Variants in SMARCAD1 observed in about 807,000 individuals in gnomAD.
SMARCAD1 encodes the protein SNF2 related chromatin remodeling ATPase with DExD box 1.
Under a neutral mutation model 127.1 loss-of-function variants are expected in SMARCAD1, and 25 were observed. The observed-to-expected ratio is 0.20, with a 90% CI of 0.14 to 0.27. The LOEUF (loss-of-function observed/expected upper bound fraction) is 0.27, where lower values mean the gene tolerates loss of function less well. Ranked by LOEUF, SMARCAD1 falls within the 10% of genes least tolerant of loss-of-function variation. The probability of loss-of-function intolerance (pLI) is 1.00; values close to 1 mark genes in which losing one functional copy is unlikely to be tolerated. For synonymous variants in SMARCAD1, 400 were observed against 396.9 expected, an observed-to-expected ratio of 1.01 and a Z score of -0.09; for missense variants, 807 against 1,206.0, an observed-to-expected ratio of 0.67 and a Z score of 4.90.
intron 2 of SMARCAD1, chr4:94,212,996 A>C (rs1341354951): frequency 1.9e-6 from 2 of 1,057,540 alleles, no homozygotes; most frequent in East Asian, 5.9e-5. Flanking sequence ...TTATTTACAC[A>C]TTATTTCTCC....
Position 94,285,947 on chromosome 4 carries a change from CTTA to C in SMARCAD1, c.3019+884_3019+886del, listed in dbSNP as rs372437348. On this transcript the variant is annotated intron_variant, in intron 23 of 23. Coordinates refer to ENST00000354268, the MANE Select transcript of SMARCAD1 (RefSeq NM_020159.5). ...CAGATTCTCTTTGGGCAATGTTTTCCTTATTATTTTGGTAGGGCAGCTTTTAGA... is the reference window on the plus strand; with the variant it reads ...CAGATTCTCTTTGGGCAATGTTTTCCTTATTTTGGTAGGGCAGCTTTTAGA... Among the ~76,000 whole-genome samples the C allele has an allele frequency of 7.0e-4, 106 of 152,198 alleles. 2 individuals carry two copies. In the South Asian group the frequency reaches 0.022, roughly 31 times the overall value.
chr4:94,212,280 T>G (rs1010403335), intron 2 of SMARCAD1, among the ~76,000 whole-genome samples: 3 of 151,952 alleles, frequency 2.0e-5, no homozygotes, highest in Admixed American at 1.3e-4. Flanking sequence ...GTTCAAGTGA[T>G]TCTCATACCT....
chr4:94,216,479 A>G (rs969076994), intron 2 of SMARCAD1, among the ~76,000 whole-genome samples: 1 of 152,120 alleles, frequency 6.6e-6, no homozygotes, highest in Admixed American at 6.5e-5. Flanking sequence ...ACATAAGAAA[A>G]TTTACCATCT....
At chr4:94,240,544 A>G (rs1026325588) in intron 5 of SMARCAD1, among the ~76,000 whole-genome samples, 3 of 152,206 alleles carry the variant, frequency 2.0e-5, no homozygotes, top group Non-Finnish European at 2.9e-5. Context: ...GATGGTATTC[A>G]GATAACTTAC....
Position 94,287,054 on chromosome 4 carries a change from C to T in SMARCAD1, c.3019+1985C>T, listed in dbSNP as rs1046664537. ...TAATTTTTTGTATTTTTAGTAGAGA[C>T]GGGGTTTCACCGTATTAGCCAGGAT... is the stretch of plus-strand genomic sequence containing the variant. On this transcript the variant is annotated intron_variant, in intron 23 of 23. Transcript: ENST00000354268. Among the ~76,000 whole-genome samples the T allele has an allele frequency of 3.3e-5, 5 of 152,098 alleles. No individual in the cohort carries two copies. In the East Asian group the frequency reaches 7.7e-4, roughly 23 times the overall value.
intron 10 of SMARCAD1, among the ~76,000 whole-genome samples, chr4:94,269,027 A>G (rs1429317136): frequency 1.3e-5 from 2 of 152,220 alleles, no homozygotes; most frequent in African/African-American, 4.8e-5. Flanking sequence ...GTAAAGACAG[A>G]ATTAGAAAAT....
chr4:94,222,833 A>G (rs374576192), intron 2 of SMARCAD1, among the ~76,000 whole-genome samples: 1 of 151,990 alleles, frequency 6.6e-6, no homozygotes, highest in Non-Finnish European at 1.5e-5. Flanking sequence ...GTGTCGGGGC[A>G]GGCACCTGTA....
At chr4:94,270,176 TA>T (rs1752346360) in intron 10 of SMARCAD1, among the ~76,000 whole-genome samples, 1 of 152,044 alleles carries the variant, frequency 6.6e-6, no homozygotes, top group African/African-American at 2.4e-5. Flanking sequence ...ATAATTTTGC[TA>T]AACATGTGCT....
At chr4:94,229,508 GTGTT>G (rs1745499888) in intron 3 of SMARCAD1, among the ~76,000 whole-genome samples, 1 of 152,092 alleles carries the variant, frequency 6.6e-6, no homozygotes, top group Non-Finnish European at 1.5e-5. Context: ...ACAGGCTGTT[GTGTT>G]TGTTTGAGGG....
intron 19 of SMARCAD1, 56 bp from the exon 20 acceptor site, chr4:94,280,536 A>C: frequency 1.5e-6 from 2 of 1,373,012 alleles, no homozygotes; most frequent in Non-Finnish European, 2.1e-6. Context: ...AACTTTTCTC[A>C]TCATATTATT....
At chr4:94,253,034 TGTATGTG>T (rs1749515893) in intron 9 of SMARCAD1, 27 bp downstream of exon 9, 1 of 1,605,862 alleles carries the variant, frequency 6.2e-7, no homozygotes, top group South Asian at 1.1e-5. Context: ...TTTTTCCCCT[TGTATGTG>T]TGTGTGTATT....
chr4:94,260,422 CA>C lies in SMARCAD1; in HGVS notation c.1282-4283del, dbSNP rs1328560036. ...GCAGTTTCGTGATCTTGGCTCACTG[CA>C]ACCTCTGCCTCCTGGGTTCAAGAAA... On this transcript the variant is annotated intron_variant, in intron 9 of 23. Coordinates refer to ENST00000354268, the MANE Select transcript of SMARCAD1 (RefSeq NM_020159.5). Among the ~76,000 whole-genome samples, 5 of 152,148 alleles carry C rather than the reference CA, an allele frequency of 3.3e-5. No homozygotes were observed. In the East Asian group the frequency reaches 9.6e-4, roughly 29 times the overall value.
intron 9 of SMARCAD1, among the ~76,000 whole-genome samples, chr4:94,260,375 G>A (rs183407029): frequency 1.3e-5 from 2 of 151,824 alleles, no homozygotes; most frequent in East Asian, 1.9e-4. Flanking sequence ...ACAGTCTCTC[G>A]CTCTGTCACT....
At position 94,256,946 on chromosome 4, in the gene SMARCAD1, A is replaced by T. The variant is rs1009715128; in HGVS notation, c.1281+3939A>T. Among the ~76,000 whole-genome samples the T allele has an allele frequency of 5.9e-5, 9 of 152,292 alleles. No homozygotes were observed. The South Asian group carries it at 1.2e-3, about 21-fold the overall frequency. On this transcript the variant is annotated intron_variant, in intron 9 of 23. Transcript: ENST00000354268. ...CAGGGCTGTCTTTTGGTAAGTGGGG[A>T]TTTAATGATTTGAAAATTAAATCTG... is the stretch of plus-strand genomic sequence containing the variant.
At position 94,290,401 on chromosome 4, in the gene SMARCAD1, G is replaced by C. The variant is rs1755531937; in HGVS notation, c.*867G>C. 2.2e-6 allele frequency: 1 copy of C among 454,280 alleles called. No homozygotes were observed. Among genetic ancestry groups the C allele is most frequent in the Non-Finnish European group, 4.4e-6 (1 of 226,766 alleles). The allele number at this position is 454,280 out of a possible 1,614,324, so 28.1% of individuals were successfully genotyped here. On this transcript the variant is annotated 3_prime_UTR_variant, in exon 24 of 24. Transcript: ENST00000354268. ...ATTACTGCCACATCTCCATGCATCA[G>C]CAAAATGTTGGTGACATTTTTCTAG...
intron 2 of SMARCAD1, among the ~76,000 whole-genome samples, chr4:94,220,030 T>C (rs1172814402): frequency 6.6e-6 from 1 of 152,248 alleles, no homozygotes; most frequent in Non-Finnish European, 1.5e-5. Context: ...TTCCTGTCTC[T>C]TTTATGGTAC....
chr4:94,213,976 A>G (rs1742717107), intron 2 of SMARCAD1, among the ~76,000 whole-genome samples: 1 of 152,150 alleles, frequency 6.6e-6, no homozygotes, highest in Non-Finnish European at 1.5e-5. Flanking sequence ...AATTTGAAGG[A>G]TGACTAGAAT....
chr4:94,215,938 T>C (rs1743100299), intron 2 of SMARCAD1, among the ~76,000 whole-genome samples: 1 of 152,208 alleles, frequency 6.6e-6, no homozygotes, highest in South Asian at 2.1e-4. Context: ...TTTGTAAGTA[T>C]ATCTTAAATT....
intron 9 of SMARCAD1, chr4:94,253,421 C>A: frequency 1.6e-6 from 2 of 1,235,410 alleles, no homozygotes; most frequent in Admixed American, 2.9e-5. Context: ...AGAGCAATAG[C>A]AACGGCCAGG....
Sources: allele counts gnomAD v4.1 joint callset (sites outside exome capture counted in the v4.1 genomes callset), GRCh38; gene constraint gnomAD v4.1.1; transcripts MANE v1.5; gene names NCBI Gene and HGNC (gene_info 2026-07-23, HGNC 2026-07-21).